Variants in SHF observed in about 807,000 individuals in gnomAD.
SHF encodes the protein SH2 domain-containing adapter protein F.
Under a neutral mutation model 42.4 loss-of-function variants are expected in SHF, and 30 were observed. The observed-to-expected ratio is 0.71, with a 90% CI of 0.53 to 0.96. SHF has a LOEUF of 0.96. SHF is among the 40% of genes least tolerant of loss of function. The pLI is 0.00. For synonymous variants in SHF, 264 were observed against 269.9 expected (o/e 0.98, Z 0.21); for missense variants, 598 against 634.0 (o/e 0.94, Z 0.61).
intron 1 of SHF, chr15:45,199,217 C>G (rs920349737): frequency 4.6e-5 from 45 of 984,144 alleles, no homozygotes; most frequent in Non-Finnish European, 6.3e-5. Flanking sequence ...CCCCTGACAG[C>G]CCTGACTCCT....
chr15:45,178,150 GC>G lies in SHF; in HGVS notation c.640+14del. On this transcript the variant is annotated intron_variant, in intron 2 of 6. Transcript: ENST00000690270. ...CCAGGCCTCAGGGAGCACCTCCCCT[GC>G]CCCTGTCACTCACCGGCCATCATCT... 6.2e-7 allele frequency: 1 copy of G among 1,610,390 alleles called. No individual in the cohort carries two copies. Among genetic ancestry groups the G allele is most frequent in the Non-Finnish European group, 8.5e-7 (1 of 1,179,138 alleles).
intron 2 of SHF, among the ~76,000 whole-genome samples, chr15:45,176,559 T>G (rs1897820893): frequency 6.6e-6 from 1 of 152,056 alleles, no homozygotes; most frequent in Non-Finnish European, 1.5e-5. Context: ...TATGCATTTT[T>G]CCCTATCCTA....
intron 1 of SHF, among the ~76,000 whole-genome samples, chr15:45,182,937 C>T (rs1041170630): frequency 1.3e-5 from 2 of 152,202 alleles, no homozygotes; most frequent in Non-Finnish European, 2.9e-5. Context: ...ATGCCATGTT[C>T]ATAAAACAGT....
rs375379873 is a variant in SHF, at chr15:45,167,996, C to T, written c.1418G>A (p.Gly473Glu). ...HYASRKLPIK[G>E]AEHMSLLYPV... ...GTAGAGCAGGGACATGTGTTCGGCT[C>T]CCTTAATGGGTAGCTTGCGGCTGGC... The change falls in exon 7 of 7, where the codon GGA (glycine) becomes GAA (glutamate). Residue 473 changes from glycine to glutamate, a missense_variant. Physicochemically the swap from Gly to Glu is moderately conservative, Grantham distance 98 (BLOSUM62 -2). Transcript: ENST00000690270. The T allele has an allele frequency of 1.4e-5, 23 of 1,613,470 alleles. No individual in the cohort carries two copies. Among genetic ancestry groups the T allele is most frequent in the Non-Finnish European group, 1.9e-5 (22 of 1,179,610 alleles).
rs1421759711 is a variant in SHF at position 45,167,778 on chromosome 15, GC to G, written c.*168del. On this transcript the variant is annotated 3_prime_UTR_variant, in exon 7 of 7. Coordinates refer to ENST00000690270, the MANE Select transcript of SHF (RefSeq NM_001394037.1). Reference sequence around the variant, plus strand: ...GCTCCAGACAACCCCTTACTCCAAGGCCCCAGGAGCCCTTTCCCTTTAGAAT... The same window carrying G: ...GCTCCAGACAACCCCTTACTCCAAGGCCCAGGAGCCCTTTCCCTTTAGAAT... 9 of 549,276 alleles carry G rather than the reference GC, an allele frequency of 1.6e-5. No homozygotes were observed. Among genetic ancestry groups the G allele is most frequent in the Admixed American group, 1.3e-4 (3 of 23,960 alleles). 34.0% of individuals were successfully genotyped at this position (549,276 alleles called of 1,614,324 possible).
rs776650032 is a variant in SHF at position 45,172,333 on chromosome 15, T to C, written c.989-15A>G. On this transcript the variant is annotated splice_polypyrimidine_tract_variant and intron_variant, in intron 4 of 6. Transcript: ENST00000690270. ...TTCAAACTGGGCTGTGGGGAACATATCAATCATGGACTCTAAGGACCCTAG... is the reference window on the plus strand; with the variant it reads ...TTCAAACTGGGCTGTGGGGAACATACCAATCATGGACTCTAAGGACCCTAG... 7 of 1,580,266 alleles carry C rather than the reference T, an allele frequency of 4.4e-6. No homozygotes were observed. Among genetic ancestry groups the C allele is most frequent in the Non-Finnish European group, 5.2e-6 (6 of 1,164,154 alleles).
chr15:45,170,012 C>T (rs1033200096), intron 6 of SHF, among the ~76,000 whole-genome samples: 1 of 152,250 alleles, frequency 6.6e-6, no homozygotes. Context: ...CAGACAGATG[C>T]GGAGCCAGGT....
chr15:45,175,231 T>G lies in SHF; in HGVS notation c.835A>C (p.Lys279Gln). 1 of 1,609,884 alleles carries G rather than the reference T, an allele frequency of 6.2e-7. No individual in the cohort carries two copies. The change falls in exon 3 of 7, where the codon AAA becomes CAA. Residue 279 changes from lysine to glutamine, a missense_variant. Coordinates refer to ENST00000690270, the MANE Select transcript of SHF (RefSeq NM_001394037.1). Reference sequence around the variant, plus strand: ...CACCAGGACTCACCTGCAAAGGCTTTGGAAATCCGCTCCTTCTTCCACTCC... The same window carrying G: ...CACCAGGACTCACCTGCAAAGGCTTGGGAAATCCGCTCCTTCTTCCACTCC... ...PWEWKKERISKAFAVDIKVIK... is the reference protein window; with the variant it reads ...PWEWKKERISQAFAVDIKVIK...
upstream of SHF, among the ~76,000 whole-genome samples, chr15:45,188,464 C>T (rs1229963677): frequency 1.3e-5 from 2 of 152,224 alleles, no homozygotes; most frequent in African/African-American, 4.8e-5. Flanking sequence ...CTCCTCCTCC[C>T]GTGCTACCTT....
At chr15:45,180,327 C>T (rs575071709) in intron 1 of SHF, among the ~76,000 whole-genome samples, 1 of 152,332 alleles carries the variant, frequency 6.6e-6, no homozygotes, top group South Asian at 2.1e-4. Flanking sequence ...CAAGCTGCTT[C>T]CTCCCAGGCC....
Position 45,187,955 on chromosome 15 carries a change from G to A in SHF, c.-4C>T. 3 of 1,134,324 alleles carry A rather than the reference G, an allele frequency of 2.6e-6. No homozygotes were observed. The highest frequency in any genetic ancestry group is 3.2e-6 in the Non-Finnish European group (3 of 927,200). The allele number at this position is 1,134,324 out of a possible 1,614,324, so 70.3% of individuals were successfully genotyped here. ...GAGGAGCTCCGCTCAGTAACATGGG[G>A]CCAGCCAGACTGAGCGAGGGGAGCG... On this transcript the variant is annotated 5_prime_UTR_variant, in exon 1 of 7. Coordinates refer to ENST00000690270, the MANE Select transcript of SHF (RefSeq NM_001394037.1).
intron 2 of SHF, chr15:45,198,463 T>C: frequency 3.0e-6 from 1 of 330,088 alleles, no homozygotes; most frequent in Non-Finnish European, 5.6e-6. Context: ...AGAGTTACTG[T>C]AGGTGGCGGT....
At chr15:45,199,365 C>G (rs1898991228) in intron 1 of SHF, among the ~76,000 whole-genome samples, 1 of 152,158 alleles carries the variant, frequency 6.6e-6, no homozygotes, top group African/African-American at 2.4e-5. Context: ...AGAACCGGGC[C>G]GAGTACACAG....
At chr15:45,186,540 TCTCA>T (rs1298359454) in intron 1 of SHF, among the ~76,000 whole-genome samples, 1 of 152,208 alleles carries the variant, frequency 6.6e-6, no homozygotes, top group Non-Finnish European at 1.5e-5. Context: ...GGCTTTCAGC[TCTCA>T]CTCTGCCAGG....
chr15:45,196,989 C>T (rs1227388431), intron 2 of SHF, among the ~76,000 whole-genome samples: 1 of 151,414 alleles, frequency 6.6e-6, no homozygotes, highest in African/African-American at 2.4e-5. Context: ...GAAAGAAAGA[C>T]CTAAAAGGGC....
Position 45,184,801 on chromosome 15 carries a change from T to C in SHF, c.498+2653A>G, listed in dbSNP as rs563542534. Among the ~76,000 whole-genome samples the C allele has an allele frequency of 1.1e-3, 162 of 152,386 alleles. 1 individual carries two copies. The highest frequency in any genetic ancestry group is 2.1e-3 in the South Asian group (10 of 4,834). On this transcript the variant is annotated intron_variant, in intron 1 of 6. Transcript: ENST00000690270. ...ACGAGGGCCCAGCACCGTGAAGCTCTTCCTCTGGCCAGATGGCAAGGCCCT... is the reference window on the plus strand; with the variant it reads ...ACGAGGGCCCAGCACCGTGAAGCTCCTCCTCTGGCCAGATGGCAAGGCCCT...
chr15:45,182,990 G>A (rs1898206879), intron 1 of SHF, among the ~76,000 whole-genome samples: 1 of 152,318 alleles, frequency 6.6e-6, no homozygotes, highest in East Asian at 1.9e-4. Flanking sequence ...ACCCTCATAA[G>A]ACCCTTGGGT....
chr15:45,186,564 G>T (rs1396167999), intron 1 of SHF, among the ~76,000 whole-genome samples: 1 of 152,258 alleles, frequency 6.6e-6, no homozygotes, highest in Non-Finnish European at 1.5e-5. Context: ...GGAGGGATAA[G>T]GCCAACCCGA....
intron 1 of SHF, among the ~76,000 whole-genome samples, chr15:45,184,999 G>A (rs753845563): frequency 1.1e-4 from 17 of 152,202 alleles, no homozygotes; most frequent in Admixed American, 4.6e-4. Context: ...TGGGCCTCTC[G>A]GTACTGTCGA....
Sources: allele counts gnomAD v4.1 joint callset (sites outside exome capture counted in the v4.1 genomes callset), GRCh38; gene constraint gnomAD v4.1.1; transcripts MANE v1.5; gene names NCBI Gene and HGNC (gene_info 2026-07-23, HGNC 2026-07-21).